ANXA2: variants seen among roughly 807,000 people sequenced by gnomAD.
ANXA2 encodes the protein annexin A2, also known as annexin II.
Under a neutral mutation model 47.3 loss-of-function variants are expected in ANXA2, and 28 were observed. That is an observed-to-expected ratio of 0.59 (90% CI 0.44 to 0.81). ANXA2 has a LOEUF of 0.81. Ranked by LOEUF, ANXA2 falls within the 40% of genes least tolerant of loss-of-function variation. The probability of loss-of-function intolerance (pLI) is 0.00; values close to 1 mark genes in which losing one functional copy is unlikely to be tolerated. For synonymous variants in ANXA2, 172 were observed against 155.5 expected, an observed-to-expected ratio of 1.11 and a Z score of -0.79; for missense variants, 384 against 414.3, an observed-to-expected ratio of 0.93 and a Z score of 0.64.
intron 3 of ANXA2, among the ~76,000 whole-genome samples, chr15:60,373,940 A>G (rs2062743481): frequency 6.6e-6 from 1 of 152,214 alleles, no homozygotes; most frequent in South Asian, 2.1e-4. Context: ...CAGTTACATG[A>G]CAAACTCTGG....
At position 60,393,033 on chromosome 15, in the gene ANXA2, A is replaced by G. The variant is rs550658850; in HGVS notation, c.-12+4910T>C. On this transcript the variant is annotated intron_variant, in intron 1 of 12. Coordinates refer to ENST00000451270, the MANE Select transcript of ANXA2 (RefSeq NM_004039.3). ...CCCACCTACTGCATCTTTATTTATC[A>G]GAACCTTTTTGAAAGCAGATATTCT... The G allele has an allele frequency of 3.1e-6, 4 of 1,287,694 alleles. No individual in the cohort carries two copies. In the South Asian group the frequency reaches 5.0e-5, roughly 16 times the overall value. The allele number at this position is 1,287,694 out of a possible 1,614,324, so 79.8% of individuals were successfully genotyped here. A position where few individuals can be genotyped will look rare whatever the true frequency, so the allele number is the denominator to read the frequency against.
intron 6 of ANXA2, among the ~76,000 whole-genome samples, chr15:60,356,926 C>T (rs910913415): frequency 6.6e-5 from 10 of 152,198 alleles, no homozygotes; most frequent in African/African-American, 2.2e-4. Context: ...CTTCTTCTAA[C>T]ACAGAAGTTC....
intron 8 of ANXA2, among the ~76,000 whole-genome samples, chr15:60,353,347 C>T (rs1325373545): frequency 1.3e-5 from 2 of 152,068 alleles, no homozygotes; most frequent in Non-Finnish European, 2.9e-5. Context: ...CCCTTTCTCC[C>T]CCACCACAAC....
chr15:60,389,630 T>C (rs186317304), intron 1 of ANXA2, among the ~76,000 whole-genome samples: 1 of 152,320 alleles, frequency 6.6e-6, no homozygotes, highest in Non-Finnish European at 1.5e-5. Context: ...ATCAAATCAG[T>C]CCTGCATGCC....
At position 60,393,409 on chromosome 15, in the gene ANXA2, C is replaced by T. The variant is rs2063040182; in HGVS notation, c.-12+4534G>A. On this transcript the variant is annotated intron_variant, in intron 1 of 12. Coordinates refer to ENST00000451270, the MANE Select transcript of ANXA2 (RefSeq NM_004039.3). ...AACTCAATTTCAGTGTTTTATGGCC[C>T]ACATATTGTATTTTCAACAGGGCCT... The T allele has an allele frequency of 2.0e-5, 20 of 1,009,966 alleles. No individual in the cohort carries two copies. In the South Asian group the frequency reaches 7.7e-4, roughly 39 times the overall value. The allele number at this position is 1,009,966 out of a possible 1,614,324, so 62.6% of individuals were successfully genotyped here.
At chr15:60,391,874 G>A (rs1038802417) in intron 1 of ANXA2, among the ~76,000 whole-genome samples, 2 of 146,662 alleles carry the variant, frequency 1.4e-5, no homozygotes, top group South Asian at 2.3e-4. Context: ...CCAGCTTGCC[G>A]ACTGGTTTCA....
At chr15:60,381,459 CTTAA>C (rs2062857325) in intron 3 of ANXA2, among the ~76,000 whole-genome samples, 1 of 152,138 alleles carries the variant, frequency 6.6e-6, no homozygotes, top group South Asian at 2.1e-4. Context: ...CCAAGGATTG[CTTAA>C]TTAATATAAG....
intron 3 of ANXA2, among the ~76,000 whole-genome samples, chr15:60,368,520 TATTA>T (rs776354866): frequency 1.1e-4 from 17 of 151,956 alleles, no homozygotes; most frequent in Admixed American, 2.6e-4. Context: ...GGCATGGAAG[TATTA>T]ATTAATGTTG....
At chr15:60,369,958 C>G (rs2062690605) in intron 3 of ANXA2, among the ~76,000 whole-genome samples, 1 of 152,230 alleles carries the variant, frequency 6.6e-6, no homozygotes, top group African/African-American at 2.4e-5. Flanking sequence ...ACACTCTTAG[C>G]CAACGACACA....
rs185391215 is a variant in ANXA2 at position 60,364,277 on chromosome 15, C to T, written c.243+152G>A. 96 of 684,858 alleles carry T rather than the reference C, an allele frequency of 1.4e-4. 1 individual carries two copies. In the Admixed American group the frequency reaches 2.6e-3, roughly 18 times the overall value. 42.4% of individuals were successfully genotyped at this position (684,858 alleles called of 1,614,324 possible). A position where few individuals can be genotyped will look rare whatever the true frequency, so the allele number is the denominator to read the frequency against. On this transcript the variant is annotated intron_variant, in intron 4 of 12. Transcript: ENST00000451270. ...ACACGCACACACACATGTGCAGTGA[C>T]TCTTACAAGGATTTAAGAAGAAAAT...
At chr15:60,386,343 T>G (rs931942208) in intron 1 of ANXA2, 3 of 394,386 alleles carry the variant, frequency 7.6e-6, no homozygotes, top group South Asian at 4.3e-5. Flanking sequence ...GGGAGACTGA[T>G]GTGTGAATGC....
At chr15:60,360,716 C>T (rs1488231506) in intron 5 of ANXA2, among the ~76,000 whole-genome samples, 3 of 152,188 alleles carry the variant, frequency 2.0e-5, no homozygotes, top group Non-Finnish European at 4.4e-5. Flanking sequence ...GTAGTAGCAG[C>T]TGGTAACTGA....
intron 4 of ANXA2, among the ~76,000 whole-genome samples, chr15:60,362,161 G>C (rs2062523961): frequency 6.6e-6 from 1 of 152,014 alleles, no homozygotes; most frequent in Non-Finnish European, 1.5e-5. Context: ...ACTTAGGAGG[G>C]GACTGTAAAA....
rs115402888 is a variant in ANXA2, at chr15:60,393,610, C to T, written c.-12+4333G>A. On this transcript the variant is annotated intron_variant, in intron 1 of 12. Coordinates refer to ENST00000451270, the MANE Select transcript of ANXA2 (RefSeq NM_004039.3). The stretch of plus-strand genomic sequence containing the variant: ...ACACGCTCAGCACTTTCTAAGTTCC[C>T]TCCACCAGGAACCTCAATCTTAATT... The T allele has an allele frequency of 2.7e-3, 2,627 of 985,420 alleles. 52 individuals carry two copies. The African/African-American group carries it at 0.043, about 16-fold the overall frequency. The allele number at this position is 985,420 out of a possible 1,614,324, so 61.0% of individuals were successfully genotyped here.
At chr15:60,355,565 G>C (rs2062414465) in intron 7 of ANXA2, 1 of 363,652 alleles carries the variant, frequency 2.7e-6, no homozygotes, top group Admixed American at 4.0e-5. Flanking sequence ...CAGTGAAAAA[G>C]AAACCAGAAG....
chr15:60,361,490 T>TA (rs1306822156), intron 4 of ANXA2: 2 of 168,010 alleles, frequency 1.2e-5, no homozygotes, highest in African/African-American at 2.4e-5. Context: ...CGATATACTG[T>TA]AAAAGACGTG....
intron 5 of ANXA2, 21 bp downstream of exon 5, chr15:60,360,920 T>C (rs1412829661): frequency 7.0e-7 from 1 of 1,431,048 alleles, no homozygotes; most frequent in Non-Finnish European, 9.9e-7. Flanking sequence ...TTGACAGAGA[T>C]GACATCTCAC....
chr15:60,357,321 A>T, intron 5 of ANXA2, 85 bp from the exon 6 acceptor site: 3 of 1,139,396 alleles, frequency 2.6e-6, no homozygotes, highest in Non-Finnish European at 3.9e-6. Flanking sequence ...AGTAAATTGC[A>T]AACATGGATT....
chr15:60,354,110 C>T, intron 8 of ANXA2, 44 bp downstream of exon 8: 2 of 1,556,506 alleles, frequency 1.3e-6, no homozygotes, highest in African/African-American at 1.4e-5. Context: ...TATCCAGAGA[C>T]TTACCAGAAA....
Sources: gnomAD v4.1 joint callset for allele counts (sites outside exome capture counted in the v4.1 genomes callset) on GRCh38, gnomAD v4.1.1 for gene constraint, MANE v1.5 for transcripts, NCBI Gene and HGNC (gene_info 2026-07-23, HGNC 2026-07-21) for gene names.